The following ARL8B variants were observed in gnomAD, a reference collection of about 807,000 sequenced individuals.
ARL8B encodes the protein ARF like GTPase 8B, also known as ADP-ribosylation factor-like protein 8B.
Under a neutral mutation model 30.6 loss-of-function variants are expected in ARL8B, and 9 were observed. The observed-to-expected ratio is 0.29, with a 90% CI of 0.18 to 0.51. ARL8B has a LOEUF of 0.51. Ranked by LOEUF, ARL8B falls within the 20% of genes least tolerant of loss-of-function variation. The pLI is 0.97. For synonymous variants in ARL8B, 74 were observed against 76.0 expected, an observed-to-expected ratio of 0.97 and a Z score of 0.14; for missense variants, 130 against 227.2, an observed-to-expected ratio of 0.57 and a Z score of 2.75.
At chr3:5,142,808 C>T (rs921707592) in intron 1 of ARL8B, among the ~76,000 whole-genome samples, 17 of 152,182 alleles carry the variant, frequency 1.1e-4, no homozygotes, top group African/African-American at 3.4e-4. Flanking sequence ...CTGCCCCTCA[C>T]GTATATACCT....
intron 6 of ARL8B, among the ~76,000 whole-genome samples, chr3:5,178,192 A>T (rs1170290726): frequency 6.6e-6 from 1 of 151,250 alleles, no homozygotes; most frequent in Non-Finnish European, 1.5e-5. Flanking sequence ...CTCACAATCC[A>T]TCCAGAGCTC....
At chr3:5,145,547 T>G (rs895117695) in intron 1 of ARL8B, among the ~76,000 whole-genome samples, 3 of 152,028 alleles carry the variant, frequency 2.0e-5, no homozygotes, top group Non-Finnish European at 4.4e-5. Flanking sequence ...CAGGTTTGAG[T>G]GAGCACCGCA....
intron 1 of ARL8B, among the ~76,000 whole-genome samples, chr3:5,145,795 C>CA (rs375914084): frequency 1.0e-3 from 153 of 149,884 alleles, no homozygotes; most frequent in African/African-American, 3.8e-3. Flanking sequence ...TAAAAATTTT[C>CA]AGAGTTCTCT....
chr3:5,173,463 G>A (rs1052605506), intron 4 of ARL8B, among the ~76,000 whole-genome samples: 13 of 152,192 alleles, frequency 8.5e-5, no homozygotes, highest in African/African-American at 2.9e-4. Flanking sequence ...GCCGCCGGGC[G>A]CGGTGGCTCA....
At chr3:5,159,625 A>AG (rs2054564025) in intron 1 of ARL8B, among the ~76,000 whole-genome samples, 1 of 141,518 alleles carries the variant, frequency 7.1e-6, no homozygotes, top group Non-Finnish European at 1.6e-5. Flanking sequence ...AAAAAAAAAA[A>AG]GAGAAAAAGA....
chr3:5,127,322 T>C (rs903743178), intron 1 of ARL8B, among the ~76,000 whole-genome samples: 1 of 152,228 alleles, frequency 6.6e-6, no homozygotes, highest in African/African-American at 2.4e-5. Context: ...GAACTGTGGA[T>C]TGGGAGATCT....
intron 1 of ARL8B, among the ~76,000 whole-genome samples, chr3:5,129,872 T>C (rs568713521): frequency 3.0e-4 from 45 of 151,612 alleles, no homozygotes; most frequent in African/African-American, 1.0e-3. Flanking sequence ...TCTCTCTCTT[T>C]TTTGTTTTTC....
intron 1 of ARL8B, among the ~76,000 whole-genome samples, chr3:5,161,632 A>G (rs1045739303): frequency 3.9e-5 from 6 of 152,228 alleles, no homozygotes; most frequent in African/African-American, 1.4e-4. Context: ...ACACCTCTGC[A>G]TTCTGATTGA....
chr3:5,174,236 A>G (rs1348806773), intron 5 of ARL8B, 108 bp from the exon 6 acceptor site: 1 of 1,073,690 alleles, frequency 9.3e-7, no homozygotes, highest in Non-Finnish European at 1.4e-6. Context: ...TAGGATTGCT[A>G]CGATGATTTC....
chr3:5,149,809 T>C (rs929152105), intron 1 of ARL8B, among the ~76,000 whole-genome samples: 2 of 152,182 alleles, frequency 1.3e-5, no homozygotes, highest in Non-Finnish European at 2.9e-5. Context: ...CCATTTAAAA[T>C]GTTTTCTCAC....
chr3:5,170,462 A>C (rs1304434103), intron 1 of ARL8B, 41 bp from the exon 2 acceptor site: 2 of 1,390,960 alleles, frequency 1.4e-6, no homozygotes, highest in Non-Finnish European at 2.0e-6. Context: ...CAGTGTCATT[A>C]TAAGTGAGTA....
chr3:5,178,566 A>G (rs759360635), intron 6 of ARL8B, 98 bp from the exon 7 acceptor site: 21 of 1,171,804 alleles, frequency 1.8e-5, no homozygotes, highest in Non-Finnish European at 2.6e-5. Flanking sequence ...GAGGTCAGGC[A>G]TAGTGTGTGC....
At chr3:5,128,793 G>C (rs1194645132) in intron 1 of ARL8B, among the ~76,000 whole-genome samples, 1 of 152,098 alleles carries the variant, frequency 6.6e-6, no homozygotes, top group Non-Finnish European at 1.5e-5. Flanking sequence ...AACATTAAAA[G>C]CATTTCGTTT....
chr3:5,160,307 A>C (rs995699567), intron 1 of ARL8B, among the ~76,000 whole-genome samples: 2 of 152,240 alleles, frequency 1.3e-5, no homozygotes, highest in African/African-American at 4.8e-5. Flanking sequence ...GATACTCACT[A>C]GCAAACTAAT....
chr3:5,129,628 C>T (rs1027820887), intron 1 of ARL8B, among the ~76,000 whole-genome samples: 15 of 152,112 alleles, frequency 9.9e-5, no homozygotes, highest in Admixed American at 9.2e-4. Context: ...GCAGCCTCCA[C>T]CTCCTGGGCC....
At chr3:5,177,633 T>C (rs1026995664) in intron 6 of ARL8B, among the ~76,000 whole-genome samples, 2 of 151,988 alleles carry the variant, frequency 1.3e-5, no homozygotes, top group Non-Finnish European at 1.5e-5. Flanking sequence ...TTTTTGTATT[T>C]TTAGTAGAGA....
intron 1 of ARL8B, among the ~76,000 whole-genome samples, chr3:5,166,187 G>A (rs1025923890): frequency 6.6e-6 from 1 of 151,442 alleles, no homozygotes; most frequent in South Asian, 2.1e-4. Flanking sequence ...TTACAGGCAC[G>A]CGCCACCACC....
chr3:5,176,475 C>T (rs534428179), intron 6 of ARL8B, among the ~76,000 whole-genome samples: 76 of 152,260 alleles, frequency 5.0e-4, no homozygotes, highest in African/African-American at 1.8e-3. Context: ...AGGTGATGCA[C>T]CTGCCTCAGC....
At chr3:5,138,331 T>C (rs758422205) in intron 1 of ARL8B, among the ~76,000 whole-genome samples, 4 of 152,176 alleles carry the variant, frequency 2.6e-5, no homozygotes, top group Non-Finnish European at 5.9e-5. Context: ...CTCTCGTTCA[T>C]TTGCCAACAA....
Sources: allele counts gnomAD v4.1 joint callset (sites outside exome capture counted in the v4.1 genomes callset), GRCh38; gene constraint gnomAD v4.1.1; transcripts MANE v1.5; gene names NCBI Gene and HGNC (gene_info 2026-07-23, HGNC 2026-07-21).